TPX2: variants seen among roughly 807,000 people sequenced by gnomAD.
TPX2 encodes targeting protein for Xklp2.
A neutral mutation model predicts 93.6 loss-of-function variants in TPX2; 21 were observed. The ratio of observed to expected loss-of-function variants is 0.22; its 90% CI spans 0.16 to 0.32. The LOEUF is 0.32. Ranked by LOEUF, TPX2 falls within the 10% of genes least tolerant of loss-of-function variation. The probability of loss-of-function intolerance (pLI) is 1.00; values close to 1 mark genes in which losing one functional copy is unlikely to be tolerated. For missense variants in TPX2, 776 were observed against 871.1 expected, an observed-to-expected ratio of 0.89 and a Z score of 1.37; for synonymous variants, 281 against 298.3, an observed-to-expected ratio of 0.94 and a Z score of 0.60.
At chr20:31,777,743 A>C (rs897966438) in intron 9 of TPX2, 105 bp downstream of exon 9, 1 of 1,217,252 alleles carries the variant, frequency 8.2e-7, no homozygotes, top group African/African-American at 1.6e-5. Context: ...GAGAAAAAAA[A>C]CCTTGTGTCT....
intron 2 of TPX2, among the ~76,000 whole-genome samples, chr20:31,754,228 C>T (rs762523777): frequency 1.3e-5 from 2 of 151,992 alleles, no homozygotes; most frequent in Non-Finnish European, 2.9e-5. Context: ...ACTACAGGTG[C>T]AGCCACCACC....
At chr20:31,799,731 C>T (rs774650236) in intron 17 of TPX2, among the ~76,000 whole-genome samples, 1 of 151,504 alleles carries the variant, frequency 6.6e-6, no homozygotes, top group Non-Finnish European at 1.5e-5. Flanking sequence ...GAAACTCTGT[C>T]TCTACTAAAA....
chr20:31,743,294 A>G (rs1460178638), intron 2 of TPX2, among the ~76,000 whole-genome samples: 2 of 152,236 alleles, frequency 1.3e-5, no homozygotes, highest in Admixed American at 6.5e-5. Context: ...ATACTCCCAC[A>G]TACTTTAAAT....
intron 12 of TPX2, among the ~76,000 whole-genome samples, chr20:31,787,605 A>T: frequency 6.6e-6 from 1 of 152,146 alleles, no homozygotes. Flanking sequence ...TCATATTTTA[A>T]GGGGAAAGGG....
At chr20:31,785,607 C>T (rs544978302) in intron 12 of TPX2, among the ~76,000 whole-genome samples, 3 of 151,834 alleles carry the variant, frequency 2.0e-5, no homozygotes, top group Non-Finnish European at 4.4e-5. Context: ...AAGCGATTCT[C>T]CCACCTTAGC....
At chr20:31,769,155 T>G (rs2061947620) in intron 5 of TPX2, among the ~76,000 whole-genome samples, 1 of 151,830 alleles carries the variant, frequency 6.6e-6, no homozygotes. Flanking sequence ...TGTATACATA[T>G]GTAACTAACC....
chr20:31,786,409 T>TTTTTTTTTTTTTG (rs1568602729), intron 12 of TPX2, among the ~76,000 whole-genome samples: 22 of 146,908 alleles, frequency 1.5e-4, no homozygotes, highest in African/African-American at 2.8e-4. Flanking sequence ...TGTTTTTTTT[T>TTTTTTTTTTTTTG]TTTTTTGAGA....
chr20:31,790,124 A>G (rs2062091178), intron 12 of TPX2, among the ~76,000 whole-genome samples: 1 of 152,190 alleles, frequency 6.6e-6, no homozygotes, highest in Admixed American at 6.5e-5. Context: ...AGAAGAGCAG[A>G]TTTTGTTGTT....
At chr20:31,770,915 T>C (rs1254852260) in intron 6 of TPX2, among the ~76,000 whole-genome samples, 1 of 147,900 alleles carries the variant, frequency 6.8e-6, no homozygotes, top group Non-Finnish European at 1.5e-5. Context: ...TTTTTTTTTT[T>C]CGTACTTGTT....
At chr20:31,776,769 C>T (rs572461393) in intron 8 of TPX2, among the ~76,000 whole-genome samples, 68 of 152,068 alleles carry the variant, frequency 4.5e-4, no homozygotes, top group Admixed American at 9.2e-4. Flanking sequence ...TCAGGTGATC[C>T]GCCCACCTCA....
rs548476224 is a variant in TPX2 at position 31,754,331 on chromosome 20, G to A, written c.-70-3076G>A. On this transcript the variant is annotated intron_variant, in intron 2 of 17. Transcript: ENST00000300403. ...CCTGACCTCAAGTGATCCTCCCGCCGCGTCCTCCCAAAGTGCTGGGATTAC... is the reference window on the plus strand; with the variant it reads ...CCTGACCTCAAGTGATCCTCCCGCCACGTCCTCCCAAAGTGCTGGGATTAC... Among the ~76,000 whole-genome samples, 14 of 152,004 alleles carry A rather than the reference G, an allele frequency of 9.2e-5. No homozygotes were observed. In the South Asian group the frequency reaches 1.0e-3, roughly 11 times the overall value.
At chr20:31,742,827 T>C (rs1397112011) in intron 2 of TPX2, among the ~76,000 whole-genome samples, 180 bp downstream of exon 2, 1 of 152,208 alleles carries the variant, frequency 6.6e-6, no homozygotes, top group Admixed American at 6.5e-5. Context: ...GGTTAGCCTT[T>C]TGATAGATTT....
intron 2 of TPX2, among the ~76,000 whole-genome samples, chr20:31,750,417 G>A (rs539839010): frequency 6.6e-6 from 1 of 152,144 alleles, no homozygotes; most frequent in Admixed American, 6.5e-5. Context: ...GCCTCCCAAA[G>A]TGCTGGGATT....
At position 31,771,655 on chromosome 20, in the gene TPX2, A is replaced by T. The variant is rs2061965255; in HGVS notation, c.581A>T (p.His194Leu). The change falls in exon 7 of 18, where the codon CAT (histidine) becomes CTT (leucine). Residue 194 changes from histidine (H) to leucine (L), a missense_variant. This residue lies in a region of TPX2 where 279 missense variants were observed against 261.6 expected (regional missense o/e 1.07). Transcript: ENST00000300403. ...ASSPEKAKGR[H>L]TVPCMPPAKQ... is the part of the protein sequence containing the mutation. Reference sequence around the variant, plus strand: ...TCCCCAGAGAAAGCCAAGGGTAGACATACTGTGCCTTGTATGCCACCTGCA... The same window carrying T: ...TCCCCAGAGAAAGCCAAGGGTAGACTTACTGTGCCTTGTATGCCACCTGCA... 2 of 1,612,990 alleles carry T rather than the reference A, an allele frequency of 1.2e-6. No individual in the cohort carries two copies. Among genetic ancestry groups the T allele is most frequent in the Non-Finnish European group, 1.7e-6 (2 of 1,179,740 alleles).
intron 12 of TPX2, among the ~76,000 whole-genome samples, chr20:31,790,263 A>G (rs2062092239): frequency 6.6e-6 from 1 of 152,220 alleles, no homozygotes; most frequent in Non-Finnish European, 1.5e-5. Context: ...ACATATAAGA[A>G]ATTTCACAGC....
intron 2 of TPX2, among the ~76,000 whole-genome samples, chr20:31,748,055 AAG>A (rs1169670926): frequency 2.6e-5 from 4 of 152,106 alleles, no homozygotes; most frequent in Admixed American, 2.6e-4. Context: ...GCCTTAATTG[AAG>A]AGAGTCAGAC....
chr20:31,782,451 TTC>T, intron 11 of TPX2, 61 bp downstream of exon 11: 1 of 1,543,062 alleles, frequency 6.5e-7, no homozygotes, highest in East Asian at 2.3e-5. Context: ...TTATTTTCAG[TTC>T]TGTTAGGGTG....
chr20:31,766,715 G>A (rs1242022624), intron 5 of TPX2, 33 bp downstream of exon 5: 2 of 1,589,986 alleles, frequency 1.3e-6, no homozygotes, highest in East Asian at 2.3e-5. Flanking sequence ...TGGTGGTTAT[G>A]ATAATAATGT....
intron 2 of TPX2, among the ~76,000 whole-genome samples, chr20:31,744,020 C>T (rs1432412738): frequency 6.6e-6 from 1 of 151,672 alleles, no homozygotes; most frequent in East Asian, 2.0e-4. Flanking sequence ...CGTGCCTGGC[C>T]TTGCAGTTTT....
Sources: allele counts gnomAD v4.1 joint callset (sites outside exome capture counted in the v4.1 genomes callset), GRCh38; gene constraint gnomAD v4.1.1; regional missense constraint gnomAD v4.1.1; transcripts MANE v1.5; gene names NCBI Gene and HGNC (gene_info 2026-07-23, HGNC 2026-07-21).